The following SMG7 variants were observed in gnomAD, a reference collection of about 807,000 sequenced individuals.
SMG7 encodes the protein SMG7 nonsense mediated mRNA decay factor, also known as nonsense-mediated mRNA decay factor SMG7.
Under a neutral mutation model 148.2 loss-of-function variants are expected in SMG7, and 34 were observed. The ratio of observed to expected loss-of-function variants is 0.23; its 90% confidence interval spans 0.17 to 0.31. The LOEUF (loss-of-function observed/expected upper bound fraction) is 0.31. SMG7 is among the 10% of genes least tolerant of loss of function. The pLI is 1.00. For missense variants in SMG7, 1,114 were observed against 1,408.4 expected, an observed-to-expected ratio of 0.79 and a Z score of 3.35; for synonymous variants, 492 against 515.1, an observed-to-expected ratio of 0.96 and a Z score of 0.61.
chr1:183,537,131 T>C lies in SMG7; in HGVS notation c.1164-14T>C. On this transcript the variant is annotated splice_polypyrimidine_tract_variant and intron_variant, in intron 10 of 22. Transcript: ENST00000688051. ...ACATAAAAATAAAGTCTGAACTCTT[T>C]CTTTAATTTACAGCATTTGGCCCTG... 1 of 1,599,734 alleles carries C rather than the reference T, an allele frequency of 6.3e-7. No individual in the cohort carries two copies. Among genetic ancestry groups the C allele is most frequent in the Admixed American group, 1.7e-5 (1 of 59,972 alleles).
chr1:183,477,607 C>A (rs1347572193), intron 1 of SMG7, among the ~76,000 whole-genome samples: 1 of 66,650 alleles, frequency 1.5e-5, no homozygotes, highest in Admixed American at 1.6e-4. Flanking sequence ...TGTATATATG[C>A]ATATATACGT....
intron 11 of SMG7, among the ~76,000 whole-genome samples, 169 bp from the exon 12 acceptor site, chr1:183,538,211 G>A (rs1451637035): frequency 6.6e-6 from 1 of 152,132 alleles, no homozygotes; most frequent in East Asian, 1.9e-4. Context: ...AACATGCAGA[G>A]TTTTGACAGG....
At chr1:183,494,386 C>CA (rs1214430981) in intron 1 of SMG7, among the ~76,000 whole-genome samples, 2 of 148,452 alleles carry the variant, frequency 1.3e-5, no homozygotes, top group African/African-American at 4.9e-5. Flanking sequence ...TTTCTTAAAA[C>CA]AATAAATTGA....
At position 183,552,591 on chromosome 1, in the gene SMG7, T is replaced by C; in HGVS notation, c.*660T>C. Reference sequence around the variant, plus strand: ...TTCAAGGCCTGTCAGAAGGCTCTGGTAGGCCTTCCTCTGGCCAGGAGACTC... The same window carrying C: ...TTCAAGGCCTGTCAGAAGGCTCTGGCAGGCCTTCCTCTGGCCAGGAGACTC... On this transcript the variant is annotated 3_prime_UTR_variant, in exon 23 of 23. Coordinates refer to ENST00000688051, the MANE Select transcript of SMG7 (RefSeq NM_001375584.1). The C allele has an allele frequency of 9.8e-7, 1 of 1,020,848 alleles. No individual in the cohort carries two copies. Among genetic ancestry groups the C allele is most frequent in the Non-Finnish European group, 1.2e-6 (1 of 850,838 alleles). 63.2% of individuals were successfully genotyped at this position (1,020,848 alleles called of 1,614,324 possible). A position where few individuals can be genotyped will look rare whatever the true frequency, so the allele number is the denominator to read the frequency against.
chr1:183,496,497 T>C (rs1334330747), intron 1 of SMG7, among the ~76,000 whole-genome samples: 4 of 152,222 alleles, frequency 2.6e-5, no homozygotes, highest in Admixed American at 1.3e-4. Flanking sequence ...TCAGTTCCTA[T>C]CCTCTTATAA....
At chr1:183,520,129 A>T (rs1664454750) in intron 4 of SMG7, among the ~76,000 whole-genome samples, 1 of 152,128 alleles carries the variant, frequency 6.6e-6, no homozygotes, top group South Asian at 2.1e-4. Flanking sequence ...ATTATAATTC[A>T]AATCTTAACA....
intron 19 of SMG7, among the ~76,000 whole-genome samples, 165 bp downstream of exon 19, chr1:183,549,453 C>G (rs1006830229): frequency 4.6e-5 from 7 of 152,136 alleles, no homozygotes; most frequent in Non-Finnish European, 8.8e-5. Context: ...ATACTAGTGA[C>G]TTGTACATCA....
At chr1:183,549,338 C>T in intron 19 of SMG7, 50 bp downstream of exon 19, 1 of 1,247,106 alleles carries the variant, frequency 8.0e-7, no homozygotes, top group Non-Finnish European at 1.2e-6. Flanking sequence ...GTAGACTGAT[C>T]ATTGTCTTTC....
chr1:183,547,241 C>T lies in SMG7; in HGVS notation c.2881C>T (p.Arg961Ter). The T allele has an allele frequency of 1.9e-6, 3 of 1,549,680 alleles. No homozygotes were observed. Among genetic ancestry groups the T allele is most frequent in the South Asian group, 1.2e-5 (1 of 83,986 alleles). ...LLGPLASLPG[R>*]SLFKSLLEKP... ...GGGGCCTCTCGCCTCTCTTCCTGGA[C>T]GAAGCCTTTTTGTATGTATTTGACA... Residue 961 changes from arginine (R) to a stop codon, truncating the protein, a stop_gained, in exon 18 of 23, where the codon CGA becomes TGA. Transcript: ENST00000688051. LOFTEE classifies it high-confidence loss of function.
At chr1:183,484,281 T>C (rs1380845275) in intron 1 of SMG7, among the ~76,000 whole-genome samples, 1 of 152,096 alleles carries the variant, frequency 6.6e-6, no homozygotes, top group African/African-American at 2.4e-5. Context: ...TTACAATATG[T>C]AATACAATGT....
intron 1 of SMG7, among the ~76,000 whole-genome samples, chr1:183,507,561 G>A (rs1661199993): frequency 6.6e-6 from 1 of 152,092 alleles, no homozygotes; most frequent in East Asian, 1.9e-4. Context: ...TATAAAGTGG[G>A]AACAATAACA....
chr1:183,483,017 A>G (rs1335835567), intron 1 of SMG7, among the ~76,000 whole-genome samples: 1 of 152,196 alleles, frequency 6.6e-6, no homozygotes, highest in Non-Finnish European at 1.5e-5. Flanking sequence ...TTTTCAAGTC[A>G]TAAAGAAGAA....
intron 14 of SMG7, among the ~76,000 whole-genome samples, chr1:183,542,927 A>ATGTGTGTGTGTGTG (rs3979479): frequency 2.5e-4 from 21 of 85,158 alleles, no homozygotes; most frequent in African/African-American, 7.5e-4. Context: ...ATATATATAT[A>ATGTGTGTGTGTGTG]TGTGTGTGTG....
intron 1 of SMG7, among the ~76,000 whole-genome samples, chr1:183,486,443 C>CT (rs1191875469): frequency 1.3e-5 from 2 of 152,140 alleles, no homozygotes; most frequent in Admixed American, 6.5e-5. Context: ...CGGATTCTTA[C>CT]TTTGTTGCCC....
rs1557935114 is a variant in SMG7 at position 183,477,484 on chromosome 1, A to ATGTGTG, written c.29+4835_29+4836insTGTGTG. ...CATATGTGTATATATGCATATATAC[A>ATGTGTG]CGTGTGTGCATATGTGTATATATGC... is the stretch of plus-strand genomic sequence containing the variant. On this transcript the variant is annotated intron_variant, in intron 1 of 22. Transcript: ENST00000688051. Among the ~76,000 whole-genome samples the ATGTGTG allele has an allele frequency of 1.9e-3, 272 of 143,402 alleles. 18 individuals are homozygous for ATGTGTG. The highest frequency in any genetic ancestry group is 2.7e-3 in the Non-Finnish European group (173 of 64,478). 94.1% of individuals were successfully genotyped at this position (143,402 alleles called of 152,430 possible).
chr1:183,513,274 C>A (rs561074203), intron 2 of SMG7: 3 of 156,636 alleles, frequency 1.9e-5, no homozygotes, highest in African/African-American at 7.2e-5. Context: ...AGTAGGTAAA[C>A]CTTCAGAAAA....
At chr1:183,518,011 C>T (rs537749469) in intron 4 of SMG7, among the ~76,000 whole-genome samples, 191 bp downstream of exon 4, 35 of 152,120 alleles carry the variant, frequency 2.3e-4, no homozygotes, top group African/African-American at 8.2e-4. Flanking sequence ...GTAGTGGTGC[C>T]GTCATGGCTT....
chr1:183,525,342 A>G (rs1665625108), intron 4 of SMG7, among the ~76,000 whole-genome samples: 1 of 152,170 alleles, frequency 6.6e-6, no homozygotes, highest in Non-Finnish European at 1.5e-5. Flanking sequence ...TTAGGTAACC[A>G]ATTGTCTGAT....
intron 8 of SMG7, 105 bp downstream of exon 8, chr1:183,529,638 A>G (rs1012946946): frequency 4.9e-6 from 4 of 824,340 alleles, no homozygotes; most frequent in African/African-American, 3.5e-5. Flanking sequence ...TGTGTGAACT[A>G]TTGGTAAAAA....
Sources: gnomAD v4.1 joint callset for allele counts (sites outside exome capture counted in the v4.1 genomes callset) on GRCh38, gnomAD v4.1.1 for gene constraint, MANE v1.5 for transcripts, NCBI Gene and HGNC (gene_info 2026-07-23, HGNC 2026-07-21) for gene names.